The following SLC39A12 variants were observed in gnomAD, a reference collection of about 807,000 sequenced individuals.
SLC39A12 encodes zinc transporter ZIP12.
SLC39A12 carries 63 observed loss-of-function variants against 71.1 expected under a neutral mutation model. The observed-to-expected ratio is 0.89, with a 90% CI of 0.72 to 1.09. The LOEUF (loss-of-function observed/expected upper bound fraction) is 1.09, where lower values mean the gene tolerates loss of function less well. Ranked by LOEUF, SLC39A12 falls within the 50% of genes least tolerant of loss-of-function variation. The probability of loss-of-function intolerance (pLI) is 0.00; values close to 1 mark genes in which losing one functional copy is unlikely to be tolerated. For missense variants in SLC39A12, 892 were observed against 812.6 expected (o/e 1.10, Z -1.19); for synonymous variants, 351 against 301.3 (o/e 1.16, Z -1.71).
chr10:17,981,968 T>C (rs780536031), intron 6 of SLC39A12, among the ~76,000 whole-genome samples: 19 of 152,204 alleles, frequency 1.2e-4, no homozygotes, highest in South Asian at 1.2e-3. Context: ...CTCAGAGACT[T>C]TGTGATCTTT....
rs562449536 is a variant in SLC39A12, at chr10:18,009,251, G to T, written c.1947+5893G>T. On this transcript the variant is annotated intron_variant, in intron 12 of 12. Coordinates refer to ENST00000377369, the MANE Select transcript of SLC39A12 (RefSeq NM_001145195.2). ...TGTAACTAGAGATGTCCCTACAATG[G>T]GGGGAACTGGACAACTGCCCAGGAA... 1.9e-4 allele frequency among the ~76,000 whole-genome samples: 29 copies of T among 152,180 alleles called. No individual in the cohort carries two copies. In the South Asian group the frequency reaches 5.8e-3, roughly 30 times the overall value.
At chr10:18,013,507 A>G (rs1054199957) in intron 12 of SLC39A12, among the ~76,000 whole-genome samples, 2 of 152,006 alleles carry the variant, frequency 1.3e-5, no homozygotes, top group African/African-American at 4.8e-5. Flanking sequence ...AGCTGGGACT[A>G]CAGGCACCTG....
intron 10 of SLC39A12, among the ~76,000 whole-genome samples, chr10:17,998,004 A>T (rs983511845): frequency 3.3e-5 from 5 of 152,058 alleles, no homozygotes; most frequent in African/African-American, 9.7e-5. Flanking sequence ...CCACTAAATA[A>T]TTTTTTTGTT....
chr10:18,033,990 G>A (rs1275063145), intron 12 of SLC39A12, among the ~76,000 whole-genome samples: 1 of 147,150 alleles, frequency 6.8e-6, no homozygotes, highest in Admixed American at 6.8e-5. Flanking sequence ...CTGAGTTCTA[G>A]TTTGATTGCA....
intron 4 of SLC39A12, among the ~76,000 whole-genome samples, chr10:17,971,401 A>G (rs1417161577): frequency 1.3e-5 from 2 of 151,430 alleles, no homozygotes; most frequent in Non-Finnish European, 2.9e-5. Context: ...AATAGTTTGA[A>G]TAGAATTGGT....
intron 12 of SLC39A12, among the ~76,000 whole-genome samples, chr10:18,023,833 T>C (rs1175189077): frequency 6.6e-6 from 1 of 152,098 alleles, no homozygotes; most frequent in East Asian, 1.9e-4. Context: ...AGTGCCCAGG[T>C]TGGGACAAGG....
chr10:17,963,184 A>G (rs1332234672), intron 3 of SLC39A12, among the ~76,000 whole-genome samples: 1 of 152,184 alleles, frequency 6.6e-6, no homozygotes, highest in Non-Finnish European at 1.5e-5. Context: ...GCAGGAAAAA[A>G]AAAAGAAAAG....
intron 2 of SLC39A12, among the ~76,000 whole-genome samples, chr10:17,959,813 G>T (rs1367530184): frequency 2.6e-5 from 4 of 152,176 alleles, no homozygotes; most frequent in African/African-American, 9.7e-5. Context: ...GATTGCAGGA[G>T]CTGGGCATGT....
chr10:18,029,266 C>G (rs982978657), intron 12 of SLC39A12, among the ~76,000 whole-genome samples: 1 of 152,122 alleles, frequency 6.6e-6, no homozygotes, highest in Non-Finnish European at 1.5e-5. Flanking sequence ...ACAGAACTTG[C>G]GAGGACCATT....
chr10:18,004,596 A>T (rs1835955660), intron 12 of SLC39A12, among the ~76,000 whole-genome samples: 1 of 152,200 alleles, frequency 6.6e-6, no homozygotes, highest in Non-Finnish European at 1.5e-5. Context: ...AATTCTTATG[A>T]GATGCATGCA....
At chr10:17,988,921 AC>A (rs149855682) in intron 7 of SLC39A12, among the ~76,000 whole-genome samples, 4,905 of 151,598 alleles carry the variant, frequency 0.032, 134 homozygotes, top group South Asian at 0.092. Flanking sequence ...CTTTCTTTAT[AC>A]CCTTGACCCT....
At chr10:18,004,785 T>C (rs984241135) in intron 12 of SLC39A12, among the ~76,000 whole-genome samples, 1 of 152,164 alleles carries the variant, frequency 6.6e-6, no homozygotes, top group Non-Finnish European at 1.5e-5. Flanking sequence ...TAAAGATACA[T>C]GCAGCACTAT....
At position 17,991,134 on chromosome 10, in the gene SLC39A12, T is replaced by C; in HGVS notation, c.1270-17T>C. ...CCATCTTTCTCTCTGCCTTTTTTTT[T>C]TTTTTTTCCCCTGAAGGTTCTTGGT... On this transcript the variant is annotated splice_polypyrimidine_tract_variant and intron_variant, in intron 7 of 12. Transcript: ENST00000377369. 1 of 1,528,630 alleles carries C rather than the reference T, an allele frequency of 6.5e-7. No homozygotes were observed. 94.7% of individuals were successfully genotyped at this position (1,528,630 alleles called of 1,614,324 possible).
chr10:17,955,880 T>C (rs1194631946), intron 2 of SLC39A12, among the ~76,000 whole-genome samples: 1 of 152,120 alleles, frequency 6.6e-6, no homozygotes, highest in Non-Finnish European at 1.5e-5. Context: ...TCGTGAGAGA[T>C]TAAATAACTC....
At position 18,000,725 on chromosome 10, in the gene SLC39A12, T is replaced by C; in HGVS notation, c.1659T>C (p.Phe553=). ...TGGTTGGGGACAGCCTGCATAATTT[T>C]GCAGATGGCCTAGCCATAGGAGCAG... ...MILVGDSLHN[F]ADGLAIGAAF... The change falls in exon 11 of 13, where the codon TTT becomes TTC. Residue 553 remains phenylalanine (F), a synonymous_variant. Coordinates refer to ENST00000377369, the MANE Select transcript of SLC39A12 (RefSeq NM_001145195.2). 1.2e-6 allele frequency: 2 copies of C among 1,614,192 alleles called. No individual in the cohort carries two copies. The highest frequency in any genetic ancestry group is 1.7e-6 in the Non-Finnish European group (2 of 1,180,008).
chr10:18,000,245 A>G (rs569702512), intron 10 of SLC39A12, among the ~76,000 whole-genome samples: 186 of 152,342 alleles, frequency 1.2e-3, no homozygotes, highest in African/African-American at 4.1e-3. Flanking sequence ...CGCTAGGGGA[A>G]TAAGTAGAAA....
intron 12 of SLC39A12, among the ~76,000 whole-genome samples, chr10:18,022,317 AT>A (rs1227571775): frequency 1.2e-3 from 174 of 143,682 alleles, no homozygotes; most frequent in African/African-American, 1.1e-3. Flanking sequence ...GGTTTTGTTT[AT>A]TTTTTTTTTT....
chr10:18,004,264 T>A (rs1360780716), intron 12 of SLC39A12: 3 of 152,166 alleles, frequency 2.0e-5, no homozygotes, highest in Admixed American at 6.5e-5. Context: ...ACAAAAGAGG[T>A]ACTTAAGGCT....
At chr10:17,959,763 C>G (rs1238620970) in intron 2 of SLC39A12, among the ~76,000 whole-genome samples, 3 of 152,156 alleles carry the variant, frequency 2.0e-5, no homozygotes, top group African/African-American at 7.2e-5. Flanking sequence ...CACTGTCCCA[C>G]AACATTTATC....
Sources: allele counts gnomAD v4.1 joint callset (sites outside exome capture counted in the v4.1 genomes callset), GRCh38; gene constraint gnomAD v4.1.1; transcripts MANE v1.5; gene names NCBI Gene and HGNC (gene_info 2026-07-23, HGNC 2026-07-21).